The following SMARCC1 variants were observed in gnomAD, a reference collection of about 807,000 sequenced individuals.
SMARCC1 encodes the protein SWI/SNF complex subunit SMARCC1.
A neutral mutation model predicts 147.4 loss-of-function variants in SMARCC1; 43 were observed. The ratio of observed to expected loss-of-function variants is 0.29; its 90% CI spans 0.23 to 0.38. The LOEUF is 0.38. Among genes scored for constraint, SMARCC1 ranks in the 10% least tolerant of loss-of-function variants. The pLI is 1.00. For missense variants in SMARCC1, 1,119 were observed against 1,381.1 expected, an observed-to-expected ratio of 0.81 and a Z score of 3.01; for synonymous variants, 495 against 484.4, an observed-to-expected ratio of 1.02 and a Z score of -0.29.
chr3:47,758,477 C>G (rs796140031), intron 2 of SMARCC1, among the ~76,000 whole-genome samples: 18 of 152,092 alleles, frequency 1.2e-4, no homozygotes, highest in Non-Finnish European at 2.4e-4. Context: ...CTGCAGTGAG[C>G]TGTGTTCATT....
chr3:47,728,954 T>TG, intron 6 of SMARCC1, 71 bp downstream of exon 6: 1 of 935,184 alleles, frequency 1.1e-6, no homozygotes, highest in Non-Finnish European at 1.7e-6. Flanking sequence ...TTTAAGTCTT[T>TG]GGGGGTATGA....
intron 2 of SMARCC1, among the ~76,000 whole-genome samples, chr3:47,772,440 T>A (rs1160146261): frequency 6.6e-6 from 1 of 152,090 alleles, no homozygotes; most frequent in Non-Finnish European, 1.5e-5. Context: ...AAAATTATAT[T>A]CTCACACAAC....
chr3:47,655,978 C>T (rs12497921), intron 21 of SMARCC1, among the ~76,000 whole-genome samples: 90,311 of 151,704 alleles, frequency 0.6, 28,111 homozygotes, highest in East Asian at 0.72. Context: ...TTTGGGAGGC[C>T]GAGACGGGCG....
chr3:47,659,492 C>T lies in SMARCC1; in HGVS notation c.2320+1802G>A, dbSNP rs570643444. 2.2e-4 allele frequency among the ~76,000 whole-genome samples: 33 copies of T among 151,734 alleles called. No individual in the cohort carries two copies. The South Asian group carries it at 6.0e-3, about 28-fold the overall frequency. ...TTTACAAAGGCCATGTCGGATTTAT[C>T]AAAATAAAAACCAAAAAACAAAAAG... On this transcript the variant is annotated intron_variant, in intron 21 of 27. Coordinates refer to ENST00000254480, the MANE Select transcript of SMARCC1 (RefSeq NM_003074.4).
chr3:47,777,577 G>C lies in SMARCC1; in HGVS notation c.195+4026C>G, dbSNP rs554406336. On this transcript the variant is annotated intron_variant, in intron 1 of 27. Transcript: ENST00000254480. Reference sequence around the variant, plus strand: ...CACTTTCGCTCTGTAGCCTAGGCTGGAGTGCAATGGCCCGATCTCAGCTCA... The same window carrying C: ...CACTTTCGCTCTGTAGCCTAGGCTGCAGTGCAATGGCCCGATCTCAGCTCA... Among the ~76,000 whole-genome samples, 3 of 152,024 alleles carry C rather than the reference G, an allele frequency of 2.0e-5. No homozygotes were observed. In the East Asian group the frequency reaches 5.9e-4, roughly 30 times the overall value.
chr3:47,614,010 G>A (rs1366266921), intron 25 of SMARCC1, among the ~76,000 whole-genome samples: 1 of 151,686 alleles, frequency 6.6e-6, no homozygotes, highest in Non-Finnish European at 1.5e-5. Flanking sequence ...AGACAGTGAG[G>A]GCCACAAAAA....
At chr3:47,639,983 G>A (rs2033027855) in intron 21 of SMARCC1, among the ~76,000 whole-genome samples, 1 of 152,132 alleles carries the variant, frequency 6.6e-6, no homozygotes, top group South Asian at 2.1e-4. Context: ...GTCACAAAGT[G>A]AGTCCTCAAC....
At chr3:47,755,904 C>T (rs1341686688) in intron 2 of SMARCC1, among the ~76,000 whole-genome samples, 4 of 141,686 alleles carry the variant, frequency 2.8e-5, no homozygotes, top group African/African-American at 1.0e-4. Flanking sequence ...GCAAGGGAAT[C>T]GCTTGAATCC....
chr3:47,728,378 A>G (rs1470885524), intron 6 of SMARCC1, among the ~76,000 whole-genome samples: 1 of 152,052 alleles, frequency 6.6e-6, no homozygotes, highest in Non-Finnish European at 1.5e-5. Context: ...GTGAGACACC[A>G]GGTCCAGCCC....
At chr3:47,712,179 C>A (rs1299837443) in intron 8 of SMARCC1, among the ~76,000 whole-genome samples, 1 of 152,092 alleles carries the variant, frequency 6.6e-6, no homozygotes, top group African/African-American at 2.4e-5. Flanking sequence ...TTGCAGTGAG[C>A]CAAGATCACG....
At chr3:47,726,592 T>C (rs1002200800) in intron 6 of SMARCC1, among the ~76,000 whole-genome samples, 1 of 152,200 alleles carries the variant, frequency 6.6e-6, no homozygotes, top group Non-Finnish European at 1.5e-5. Context: ...CTGTACATTA[T>C]GAAACTAAAA....
chr3:47,598,312 C>T (rs552399266), intron 26 of SMARCC1, among the ~76,000 whole-genome samples: 2 of 152,212 alleles, frequency 1.3e-5, no homozygotes, highest in South Asian at 2.1e-4. Context: ...AGCCTGCAGA[C>T]GAAAGAACAC....
At chr3:47,759,170 C>T (rs943692589) in intron 2 of SMARCC1, among the ~76,000 whole-genome samples, 2 of 151,706 alleles carry the variant, frequency 1.3e-5, no homozygotes, top group Non-Finnish European at 2.9e-5. Flanking sequence ...CTCCCAAACG[C>T]CTGGCTAATT....
At chr3:47,670,458 G>A (rs767193872) in intron 19 of SMARCC1, 200 bp downstream of exon 19, 22 of 516,124 alleles carry the variant, frequency 4.3e-5, no homozygotes, top group Non-Finnish European at 6.2e-5. Context: ...GGTGGCACAC[G>A]CCCTTAGTCC....
chr3:47,684,438 T>C (rs1251668230), intron 14 of SMARCC1, among the ~76,000 whole-genome samples: 2 of 151,596 alleles, frequency 1.3e-5, no homozygotes, highest in South Asian at 2.1e-4. Flanking sequence ...TATTGGGTAG[T>C]AATTTTTTTT....
At chr3:47,723,081 A>T (rs751248386) in intron 6 of SMARCC1, among the ~76,000 whole-genome samples, 1 of 152,124 alleles carries the variant, frequency 6.6e-6, no homozygotes, top group African/African-American at 2.4e-5. Context: ...AGATAAGGAG[A>T]CGGTTACAGC....
chr3:47,704,177 C>A (rs2033962298), intron 10 of SMARCC1, among the ~76,000 whole-genome samples: 1 of 152,004 alleles, frequency 6.6e-6, no homozygotes, highest in African/African-American at 2.4e-5. Context: ...AAGACAAGTG[C>A]TGCATGATGA....
At chr3:47,720,401 C>T (rs930586411) in intron 7 of SMARCC1, among the ~76,000 whole-genome samples, 1 of 152,158 alleles carries the variant, frequency 6.6e-6, no homozygotes, top group Admixed American at 6.6e-5. Context: ...GGATTACAAG[C>T]ATGAGCCACT....
At chr3:47,635,641 C>G (rs1294193860) in intron 23 of SMARCC1, among the ~76,000 whole-genome samples, 1 of 152,158 alleles carries the variant, frequency 6.6e-6, no homozygotes, top group Non-Finnish European at 1.5e-5. Flanking sequence ...GGCCAACGTA[C>G]TTGCTCATCA....
Sources: gnomAD v4.1 joint callset for allele counts (sites outside exome capture counted in the v4.1 genomes callset) on GRCh38, gnomAD v4.1.1 for gene constraint, MANE v1.5 for transcripts, NCBI Gene and HGNC (gene_info 2026-07-23, HGNC 2026-07-21) for gene names.